Variants in DEFB121 observed in about 807,000 individuals in gnomAD.
DEFB121 encodes beta-defensin 121.
In DEFB121, 5 loss-of-function variants were observed where a neutral mutation model predicts 2.5. The observed-to-expected ratio is 1.96, with a 90% CI of 1.03 to 4.13. The LOEUF (loss-of-function observed/expected upper bound fraction) is 4.13, where lower values mean the gene tolerates loss of function less well. DEFB121 is among the 30% of genes most tolerant of loss of function. DEFB121 has a pLI of 0.00. For missense variants in DEFB121, 87 were observed against 85.0 expected (o/e 1.02, Z -0.09); for synonymous variants, 39 against 32.6 (o/e 1.20, Z -0.67).
chr20:31,417,511 AAGT>A (rs1483853192), upstream of DEFB121, among the ~76,000 whole-genome samples: 1 of 152,228 alleles, frequency 6.6e-6, no homozygotes, highest in African/African-American at 2.4e-5. Flanking sequence ...TATGAAAAAT[AAGT>A]AGACCAGAAA....
In DEFB121 at chr20:31,406,144, G is replaced by A. The variant is rs2122348756; in HGVS notation, c.9C>T (p.Leu3=). ...GAGTAACAGTCAAAAGCAGAAGAAG[G>A]AGCTTCATGAATGATGAATGATCAG... is the stretch of plus-strand genomic sequence containing the variant. MK[L]LLLLLTVTLL... Residue 3 remains leucine, a synonymous_variant, in exon 1 of 2, where the codon CTC becomes CTT. Transcript: ENST00000376314. The A allele has an allele frequency of 6.2e-7, 1 of 1,614,116 alleles. No individual in the cohort carries two copies. The highest frequency in any genetic ancestry group is 1.1e-5 in the South Asian group (1 of 91,076).
chr20:31,408,568 A>C (rs1476597042), upstream of DEFB121, among the ~76,000 whole-genome samples: 1 of 152,220 alleles, frequency 6.6e-6, no homozygotes, highest in Non-Finnish European at 1.5e-5. Context: ...AGCCACAACT[A>C]TCACAACTAC....
Position 31,406,197 on chromosome 20 carries a change from A to G in DEFB121, c.-45T>C, listed in dbSNP as rs1015111227. ...AGGGATAGGAGGCTTCTCAACTGGT[A>G]AAACAGACAGAGGACTCCATTCTGG... On this transcript the variant is annotated 5_prime_UTR_variant, in exon 1 of 2. Transcript: ENST00000376314. The G allele has an allele frequency of 3.7e-6, 6 of 1,612,578 alleles. No homozygotes were observed. The Admixed American group carries it at 5.0e-5, about 13-fold the overall frequency.
chr20:31,415,075 T>TA (rs1270156037), upstream of DEFB121, among the ~76,000 whole-genome samples: 2 of 152,148 alleles, frequency 1.3e-5, no homozygotes. Context: ...TCAAAAAATT[T>TA]AAAAAAATGT....
chr20:31,415,247 CT>C (rs774007321), upstream of DEFB121, among the ~76,000 whole-genome samples: 356 of 141,046 alleles, frequency 2.5e-3, 1 homozygote, highest in Middle Eastern at 7.5e-3. Context: ...ATGTACAGTC[CT>C]TTTTTTTTTT....
upstream of DEFB121, chr20:31,412,901 G>C (rs138938805): frequency 2.4e-5 from 6 of 246,226 alleles, no homozygotes; most frequent in Non-Finnish European, 4.9e-5. Flanking sequence ...AGATAACAGA[G>C]GAAATGCCTG....
At chr20:31,412,431 C>A (rs916581984) in intron 1 of DEFB121, among the ~76,000 whole-genome samples, 3 of 152,164 alleles carry the variant, frequency 2.0e-5, no homozygotes, top group African/African-American at 7.2e-5. Context: ...AGCCATGTGA[C>A]TTTGAACAAG....
upstream of DEFB121, among the ~76,000 whole-genome samples, chr20:31,409,055 G>A (rs6120138): frequency 0.23 from 35,041 of 151,476 alleles, 4,837 homozygotes; most frequent in African/African-American, 0.36. Context: ...AAGGCAAACA[G>A]ATCACTTGAG....
upstream of DEFB121, among the ~76,000 whole-genome samples, chr20:31,415,160 A>G: frequency 6.6e-6 from 1 of 152,252 alleles, no homozygotes; most frequent in East Asian, 1.9e-4. Context: ...AAAAATTGTT[A>G]AAACAGATCT....
upstream of DEFB121, among the ~76,000 whole-genome samples, chr20:31,406,720 C>A (rs1978493566): frequency 6.6e-6 from 1 of 152,188 alleles, no homozygotes; most frequent in South Asian, 2.1e-4. Flanking sequence ...TTACTTTTAA[C>A]AGTACATATT....
upstream of DEFB121, among the ~76,000 whole-genome samples, chr20:31,415,553 A>T (rs1047468724): frequency 6.6e-6 from 1 of 152,060 alleles, no homozygotes; most frequent in African/African-American, 2.4e-5. Context: ...CCGGCGATGA[A>T]CACTCTTACT....
At chr20:31,408,147 T>C (rs1978545998), upstream of DEFB121, among the ~76,000 whole-genome samples, 1 of 152,068 alleles carries the variant, frequency 6.6e-6, no homozygotes, top group South Asian at 2.1e-4. Context: ...CTTTCTAACA[T>C]GGAAGAAAAC....
chr20:31,405,464 C>T (rs1313599326), intron 1 of DEFB121, among the ~76,000 whole-genome samples: 1 of 152,180 alleles, frequency 6.6e-6, no homozygotes, highest in African/African-American at 2.4e-5. Context: ...TTCTTTGGTA[C>T]CCCCTCTGAC....
chr20:31,414,802 G>T (rs1253448309), upstream of DEFB121, among the ~76,000 whole-genome samples: 3 of 152,206 alleles, frequency 2.0e-5, no homozygotes, highest in African/African-American at 7.2e-5. Flanking sequence ...TGTAGTCCCA[G>T]CACTTTGGGA....
chr20:31,405,652 C>T (rs1017955724), intron 1 of DEFB121, among the ~76,000 whole-genome samples: 2 of 152,112 alleles, frequency 1.3e-5, no homozygotes, highest in Admixed American at 1.3e-4. Context: ...GAACCTACAA[C>T]CTAAGGTAAC....
At chr20:31,408,522 T>A (rs1446899336), upstream of DEFB121, among the ~76,000 whole-genome samples, 1 of 152,214 alleles carries the variant, frequency 6.6e-6, no homozygotes, top group African/African-American at 2.4e-5. Context: ...TCACTTTTTC[T>A]ATAAAGCCCA....
chr20:31,407,926 C>G (rs1259051135), upstream of DEFB121, among the ~76,000 whole-genome samples: 1 of 152,082 alleles, frequency 6.6e-6, no homozygotes, highest in Non-Finnish European at 1.5e-5. Flanking sequence ...TACAGGCACG[C>G]GCCACCACAC....
chr20:31,406,099 G>A lies in DEFB121; in HGVS notation c.54C>T (p.Thr18=), dbSNP rs767811447. 1.9e-6 allele frequency: 3 copies of A among 1,613,670 alleles called. No homozygotes were observed. Among genetic ancestry groups the A allele is most frequent in the South Asian group, 2.2e-5 (2 of 91,074 alleles). The change falls in exon 1 of 2, where the codon ACC becomes ACT. Residue 18 remains threonine, a synonymous_variant. Transcript: ENST00000376314. ...CCTTCTGGAGATCCTGTTTACCTGGGGTGACCTGGGCCAGGAGCAGAGTAA... is the reference window on the plus strand; with the variant it reads ...CCTTCTGGAGATCCTGTTTACCTGGAGTGACCTGGGCCAGGAGCAGAGTAA... The part of the protein sequence containing the change: ...LTVTLLLAQV[T]PVMKCWGKSG...
At chr20:31,416,065 T>A (rs1042885455), upstream of DEFB121, among the ~76,000 whole-genome samples, 1 of 151,366 alleles carries the variant, frequency 6.6e-6, no homozygotes, top group African/African-American at 2.4e-5. Flanking sequence ...TTTGTTTGTT[T>A]GTTTGTTTGT....
Sources: gnomAD v4.1 joint callset for allele counts (sites outside exome capture counted in the v4.1 genomes callset) on GRCh38, gnomAD v4.1.1 for gene constraint, MANE v1.5 for transcripts, NCBI Gene and HGNC (gene_info 2026-07-23, HGNC 2026-07-21) for gene names.